Variants in SPTSSB observed in about 807,000 individuals in gnomAD.
The protein encoded by SPTSSB is serine palmitoyltransferase small subunit B.
In SPTSSB, 6 loss-of-function variants were observed where a neutral mutation model predicts 7.7. The observed-to-expected ratio is 0.78, with a 90% CI of 0.43 to 1.54. The LOEUF (loss-of-function observed/expected upper bound fraction) is 1.54. SPTSSB is among the 40% of genes most tolerant of loss of function. The pLI is 0.01. For synonymous variants in SPTSSB, 28 were observed against 29.7 expected, an observed-to-expected ratio of 0.94 and a Z score of 0.19; for missense variants, 91 against 93.0, an observed-to-expected ratio of 0.98 and a Z score of 0.09.
At chr3:161,370,744 T>C (rs1473427113) in intron 1 of SPTSSB, among the ~76,000 whole-genome samples, 5 of 152,190 alleles carry the variant, frequency 3.3e-5, no homozygotes, top group African/African-American at 1.2e-4. Flanking sequence ...TGCCAACCAG[T>C]TGAATGTCAC....
chr3:161,349,355 CT>C (rs1447271551), intron 2 of SPTSSB, among the ~76,000 whole-genome samples: 1 of 152,196 alleles, frequency 6.6e-6, no homozygotes, highest in Admixed American at 6.5e-5. Flanking sequence ...TAATTATCCA[CT>C]GATAACCTAG....
At chr3:161,351,414 A>G (rs1310470151) in intron 2 of SPTSSB, among the ~76,000 whole-genome samples, 1 of 152,212 alleles carries the variant, frequency 6.6e-6, no homozygotes, top group African/African-American at 2.4e-5. Context: ...TCCCTATTCT[A>G]AACTCCAGTG....
Position 161,346,112 on chromosome 3 carries a change from T to G in SPTSSB, c.212A>C (p.His71Pro), listed in dbSNP as rs533662340. Residue 71 changes from histidine (H) to proline (P), a missense_variant, in exon 3 of 3, where the codon CAC becomes CCC. His to Pro is a moderately conservative substitution (Grantham distance 77). Transcript: ENST00000620149. ...ACAGGATCAATTAGAAATTGTACTG[T>G]GATATCCACATATTTTTGAGAAAAA... The part of the protein sequence containing the change: ...WEFFSKICGY[H>P]STISN 2 of 1,576,858 alleles carry G rather than the reference T, an allele frequency of 1.3e-6. No individual in the cohort carries two copies. Among genetic ancestry groups the G allele is most frequent in the Admixed American group, 3.3e-5 (2 of 59,974 alleles).
intron 2 of SPTSSB, chr3:161,348,054 A>G (rs915714317): frequency 6.6e-6 from 1 of 152,166 alleles, no homozygotes; most frequent in East Asian, 1.9e-4. Flanking sequence ...GGAAGCAGCA[A>G]ACTGGACCAT....
At chr3:161,368,429 CT>C (rs35828837) in intron 1 of SPTSSB, among the ~76,000 whole-genome samples, 82,329 of 134,510 alleles carry the variant, frequency 0.61, 25,972 homozygotes, top group East Asian at 0.94. Flanking sequence ...ATCTTACCTT[CT>C]TTTTTTTTTT....
intron 2 of SPTSSB, among the ~76,000 whole-genome samples, chr3:161,356,095 G>C (rs954404686): frequency 8.5e-5 from 13 of 152,066 alleles, no homozygotes; most frequent in Middle Eastern, 3.2e-3. Context: ...TCCCTTCTTG[G>C]TTGTCAAAAT....
rs13059340 is a variant in SPTSSB, at chr3:161,344,843, T to C, written c.*1250A>G. On this transcript the variant is annotated 3_prime_UTR_variant, in exon 3 of 3. Coordinates refer to ENST00000620149, the MANE Select transcript of SPTSSB (RefSeq NM_001040100.2). ...TATTTTGCAAAACTCAACAAATACATGTTCAGATCTGGTTTCTCTTCAAAA... is the reference window on the plus strand; with the variant it reads ...TATTTTGCAAAACTCAACAAATACACGTTCAGATCTGGTTTCTCTTCAAAA... 0.29 allele frequency: 43,487 copies of C among 152,460 alleles called. 6,858 individuals are homozygous for C. Among genetic ancestry groups the C allele is most frequent in the East Asian group, 0.54 (2,804 of 5,168 alleles). 9.4% of individuals were successfully genotyped at this position (152,460 alleles called of 1,614,324 possible).
In SPTSSB at chr3:161,344,936, A is replaced by G. The variant is rs163327; in HGVS notation, c.*1157T>C. 0.57 allele frequency: 86,605 copies of G among 152,364 alleles called. 25,838 individuals carry two copies. The highest frequency in any genetic ancestry group is 0.97 in the East Asian group (5,000 of 5,180). 9.4% of individuals were successfully genotyped at this position (152,364 alleles called of 1,614,324 possible). A position where few individuals can be genotyped will look rare whatever the true frequency, so the allele number is the denominator to read the frequency against. ...TGCCAAACATCTTTCTCTCTAGCTC[A>G]CCTTGGAAAAATTTTTTTCATAACA... On this transcript the variant is annotated 3_prime_UTR_variant, in exon 3 of 3. Transcript: ENST00000620149.
intron 2 of SPTSSB, among the ~76,000 whole-genome samples, chr3:161,347,646 C>G (rs546822149): frequency 6.6e-6 from 1 of 151,980 alleles, no homozygotes; most frequent in African/African-American, 2.4e-5. Flanking sequence ...CCAAGGCAGG[C>G]GGATCATCTG....
chr3:161,351,718 T>C (rs1349456596), intron 2 of SPTSSB, among the ~76,000 whole-genome samples: 1 of 152,222 alleles, frequency 6.6e-6, no homozygotes, highest in Non-Finnish European at 1.5e-5. Context: ...TTTATTCTTA[T>C]CTATTCTAGT....
At chr3:161,356,579 G>T (rs1366851711) in intron 2 of SPTSSB, among the ~76,000 whole-genome samples, 2 of 151,814 alleles carry the variant, frequency 1.3e-5, no homozygotes, top group African/African-American at 4.8e-5. Flanking sequence ...CACTTTTTTG[G>T]GTAATATTGA....
At chr3:161,363,972 A>T (rs1238714665) in intron 1 of SPTSSB, among the ~76,000 whole-genome samples, 1 of 151,820 alleles carries the variant, frequency 6.6e-6, no homozygotes, top group African/African-American at 2.4e-5. Flanking sequence ...TGAAAAAAAA[A>T]ATCCATAAAA....
Position 161,349,895 on chromosome 3 carries a change from C to T in SPTSSB, c.-32-3540G>A, listed in dbSNP as rs185421573. 5.9e-5 allele frequency among the ~76,000 whole-genome samples: 9 copies of T among 152,232 alleles called. No individual in the cohort carries two copies. The East Asian group carries it at 1.5e-3, about 26-fold the overall frequency. On this transcript the variant is annotated intron_variant, in intron 2 of 2. Transcript: ENST00000620149. Reference sequence around the variant, plus strand: ...CTTTTATCAACGGGTGGTGATTTCCCTCTCATTAGATTTGTGTGCGGTGGA... The same window carrying T: ...CTTTTATCAACGGGTGGTGATTTCCTTCTCATTAGATTTGTGTGCGGTGGA...
At chr3:161,371,327 A>G (rs767201893) in intron 1 of SPTSSB, 108 bp downstream of exon 1, 21 of 729,696 alleles carry the variant, frequency 2.9e-5, no homozygotes, top group Non-Finnish European at 5.0e-6. Flanking sequence ...TAATAAACTG[A>G]TAAATTGCAT....
intron 1 of SPTSSB, among the ~76,000 whole-genome samples, chr3:161,360,458 T>C (rs1349845884): frequency 6.6e-6 from 1 of 152,216 alleles, no homozygotes; most frequent in Non-Finnish European, 1.5e-5. Context: ...ACAGTCTTTC[T>C]CAGTCTTTTT....
rs1714212763 is a variant in SPTSSB, at chr3:161,346,121, C to T, written c.203G>A (p.Cys68Tyr). Residue 68 changes from cysteine to tyrosine, a missense_variant, in exon 3 of 3, where the codon TGT becomes TAT. Coordinates refer to ENST00000620149, the MANE Select transcript of SPTSSB (RefSeq NM_001040100.2). ...RLAWEFFSKICGYHSTISN is the reference protein window; with the variant it reads ...RLAWEFFSKIYGYHSTISN ...ATTAGAAATTGTACTGTGATATCCACATATTTTTGAGAAAAATTCCCAAGC... is the reference window on the plus strand; with the variant it reads ...ATTAGAAATTGTACTGTGATATCCATATATTTTTGAGAAAAATTCCCAAGC... 2 of 1,597,210 alleles carry T rather than the reference C, an allele frequency of 1.3e-6. No individual in the cohort carries two copies. The highest frequency in any genetic ancestry group is 1.7e-6 in the Non-Finnish European group (2 of 1,164,618).
chr3:161,364,088 A>G (rs980970722), intron 1 of SPTSSB, among the ~76,000 whole-genome samples: 3 of 152,180 alleles, frequency 2.0e-5, no homozygotes, highest in African/African-American at 7.2e-5. Flanking sequence ...ATGTTTGTGT[A>G]GATCCTGTGG....
At chr3:161,368,573 C>CCA (rs1274731994) in intron 1 of SPTSSB, among the ~76,000 whole-genome samples, 1 of 151,652 alleles carries the variant, frequency 6.6e-6, no homozygotes, top group African/African-American at 2.4e-5. Context: ...ACTACAGGCG[C>CCA]CCGCCACTAC....
At chr3:161,352,177 T>C (rs986449229) in intron 2 of SPTSSB, among the ~76,000 whole-genome samples, 2 of 152,222 alleles carry the variant, frequency 1.3e-5, no homozygotes, top group Admixed American at 6.5e-5. Flanking sequence ...CCATTTCCTA[T>C]GAAATAAAAC....
Sources: allele counts gnomAD v4.1 joint callset (sites outside exome capture counted in the v4.1 genomes callset), GRCh38; gene constraint gnomAD v4.1.1; transcripts MANE v1.5; gene names NCBI Gene and HGNC (gene_info 2026-07-23, HGNC 2026-07-21).